FAM184B: variants seen among roughly 807,000 people sequenced by gnomAD.
FAM184B encodes the protein protein FAM184B.
Under a neutral mutation model 135.9 loss-of-function variants are expected in FAM184B, and 111 were observed. The ratio of observed to expected loss-of-function variants is 0.82; its 90% CI spans 0.70 to 0.96. FAM184B has a LOEUF of 0.96. Ranked by LOEUF, FAM184B falls within the 40% of genes least tolerant of loss-of-function variation. The pLI, the probability that FAM184B is intolerant of heterozygous loss-of-function variation, is 0.00. For synonymous variants in FAM184B, 552 were observed against 524.8 expected, an observed-to-expected ratio of 1.05 and a Z score of -0.71; for missense variants, 1,375 against 1,323.9, an observed-to-expected ratio of 1.04 and a Z score of -0.60.
At chr4:17,690,026 T>C (rs13107165) in intron 6 of FAM184B, among the ~76,000 whole-genome samples, 49,054 of 151,600 alleles carry the variant, frequency 0.32, 8,434 homozygotes, top group South Asian at 0.4. Flanking sequence ...TGCGTGCCTG[T>C]AATCCCAGCT....
intron 1 of FAM184B, among the ~76,000 whole-genome samples, chr4:17,744,818 T>G (rs1164832821): frequency 1.3e-5 from 2 of 152,182 alleles, no homozygotes; most frequent in Non-Finnish European, 2.9e-5. Context: ...TTTCTCCTAA[T>G]GCTTGAATAT....
chr4:17,780,472 A>C (rs1001370128), intron 1 of FAM184B, among the ~76,000 whole-genome samples: 4 of 152,172 alleles, frequency 2.6e-5, no homozygotes, highest in African/African-American at 9.7e-5. Flanking sequence ...GAGGGTTAAC[A>C]AAGAGCACTG....
chr4:17,662,400 CA>C (rs1715938664), intron 8 of FAM184B, among the ~76,000 whole-genome samples: 4 of 151,730 alleles, frequency 2.6e-5, no homozygotes, highest in African/African-American at 9.7e-5. Flanking sequence ...TGCAGTGGCA[CA>C]ATCTCGGCTC....
At chr4:17,706,792 A>T (rs908213389) in intron 3 of FAM184B, among the ~76,000 whole-genome samples, 1 of 150,104 alleles carries the variant, frequency 6.7e-6, no homozygotes, top group Non-Finnish European at 1.5e-5. Flanking sequence ...ATTTAATTTA[A>T]TTTTTTTTTT....
chr4:17,639,854 G>A (rs192106956), intron 13 of FAM184B, among the ~76,000 whole-genome samples: 1 of 151,028 alleles, frequency 6.6e-6, no homozygotes, highest in African/African-American at 2.4e-5. Flanking sequence ...TTGAGACGGA[G>A]TCTTGCTCTT....
Position 17,744,228 on chromosome 4 carries a change from C to T in FAM184B, c.142-34584G>A, listed in dbSNP as rs79063895. On this transcript the variant is annotated intron_variant, in intron 1 of 17. Coordinates refer to ENST00000265018, the MANE Select transcript of FAM184B (RefSeq NM_015688.2). The stretch of plus-strand genomic sequence containing the variant: ...GGTCTTAATTACAACTGCAAAGTCC[C>T]TTCACAGCAATACCAAGATTAGTGC... Among the ~76,000 whole-genome samples the T allele has an allele frequency of 1.8e-4, 27 of 152,154 alleles. No individual in the cohort carries two copies. In the East Asian group the frequency reaches 5.2e-3, roughly 29 times the overall value.
intron 1 of FAM184B, among the ~76,000 whole-genome samples, chr4:17,765,911 G>T (rs1371635711): frequency 6.6e-6 from 1 of 152,088 alleles, no homozygotes; most frequent in African/African-American, 2.4e-5. Context: ...TCGCGGTGGT[G>T]AGTGTTACAG....
In FAM184B at chr4:17,658,353, G is replaced by A. The variant is rs777673513; in HGVS notation, c.2034C>T (p.Leu678=). The change falls in exon 10 of 18, where the codon CTC becomes CTT. Residue 678 remains leucine, a synonymous_variant. Transcript: ENST00000265018. ...RMLEKARHQE[L]KATEERLKKE... is the part of the protein sequence containing the mutation. Reference sequence around the variant, plus strand: ...GACGGCACAGTCATTCCCTCACCTTGAGTTCCTGATGTCTGGCCTTCTCCA... The same window carrying A: ...GACGGCACAGTCATTCCCTCACCTTAAGTTCCTGATGTCTGGCCTTCTCCA... 32 of 1,551,566 alleles carry A rather than the reference G, an allele frequency of 2.1e-5. No individual in the cohort carries two copies. Among genetic ancestry groups the A allele is most frequent in the Middle Eastern group, 3.3e-4 (2 of 5,992 alleles).
chr4:17,761,784 G>T (rs1301077114), intron 1 of FAM184B, among the ~76,000 whole-genome samples: 1 of 152,154 alleles, frequency 6.6e-6, no homozygotes. Context: ...ACCTCCCAAA[G>T]TGCTGGGATT....
intron 1 of FAM184B, among the ~76,000 whole-genome samples, chr4:17,773,057 C>CA (rs1718852507): frequency 6.6e-6 from 1 of 152,176 alleles, no homozygotes; most frequent in Non-Finnish European, 1.5e-5. Flanking sequence ...GAGACTTCCC[C>CA]ACCTCCCTCT....
At chr4:17,645,877 A>G (rs1439475812) in intron 12 of FAM184B, among the ~76,000 whole-genome samples, 1 of 152,106 alleles carries the variant, frequency 6.6e-6, no homozygotes, top group East Asian at 1.9e-4. Flanking sequence ...AAACAAATTT[A>G]CAACAAAAAA....
intron 16 of FAM184B, 77 bp from the exon 17 acceptor site, chr4:17,633,965 G>A: frequency 1.4e-5 from 16 of 1,166,446 alleles, no homozygotes; most frequent in Non-Finnish European, 1.7e-5. Context: ...AGCAAATAAT[G>A]CTCACCCAAT....
At chr4:17,687,563 G>A (rs1716616098) in intron 7 of FAM184B, among the ~76,000 whole-genome samples, 1 of 152,194 alleles carries the variant, frequency 6.6e-6, no homozygotes, top group Non-Finnish European at 1.5e-5. Flanking sequence ...CTCTGCAGAT[G>A]CAATTAGTTA....
chr4:17,671,262 G>A (rs761156028), intron 7 of FAM184B, among the ~76,000 whole-genome samples: 10 of 151,970 alleles, frequency 6.6e-5, no homozygotes, highest in East Asian at 3.9e-4. Context: ...GGAGTTAATT[G>A]GCATGTCTAG....
At chr4:17,713,440 G>C (rs981914541) in intron 1 of FAM184B, among the ~76,000 whole-genome samples, 1 of 152,166 alleles carries the variant, frequency 6.6e-6, no homozygotes, top group Non-Finnish European at 1.5e-5. Flanking sequence ...GTTAATTTCC[G>C]TGACCTTCTA....
At chr4:17,653,588 A>G (rs1474177245) in intron 10 of FAM184B, among the ~76,000 whole-genome samples, 1 of 151,928 alleles carries the variant, frequency 6.6e-6, no homozygotes, top group Non-Finnish European at 1.5e-5. Flanking sequence ...CTCAACAAAC[A>G]TTTATTTACT....
intron 10 of FAM184B, among the ~76,000 whole-genome samples, chr4:17,653,931 G>GGAGAGAGAGAGGGAGGGAGA (rs1350725706): frequency 1.2e-3 from 2 of 1,606 alleles, no homozygotes; most frequent in African/African-American, 7.2e-3. Context: ...GGAGGGGGAG[G>GGAGAGAGAGAGGGAGGGAGA]GGGATTTGAA....
chr4:17,776,335 C>T (rs1167117809), intron 1 of FAM184B, among the ~76,000 whole-genome samples: 1 of 152,190 alleles, frequency 6.6e-6, no homozygotes, highest in Admixed American at 6.5e-5. Context: ...TTTGTACAAA[C>T]TGCTGGAGAA....
intron 7 of FAM184B, among the ~76,000 whole-genome samples, chr4:17,677,096 G>A (rs1716327699): frequency 6.6e-6 from 1 of 152,084 alleles, no homozygotes; most frequent in South Asian, 2.1e-4. Flanking sequence ...TGCCCAGGCT[G>A]GAGTACAGTG....
Sources: allele counts gnomAD v4.1 joint callset (sites outside exome capture counted in the v4.1 genomes callset), GRCh38; gene constraint gnomAD v4.1.1; transcripts MANE v1.5; gene names NCBI Gene and HGNC (gene_info 2026-07-23, HGNC 2026-07-21).